The following CNTN5 variants were observed in gnomAD, a reference collection of about 807,000 sequenced individuals.
The protein encoded by CNTN5 is contactin 5.
A neutral mutation model predicts 129.1 loss-of-function variants in CNTN5; 77 were observed. That is an observed-to-expected ratio of 0.60 (90% CI 0.50 to 0.72). The LOEUF (loss-of-function observed/expected upper bound fraction) is 0.72. Ranked by LOEUF, CNTN5 falls within the 30% of genes least tolerant of loss-of-function variation. The pLI is 0.00. For synonymous variants in CNTN5, 509 were observed against 465.6 expected, an observed-to-expected ratio of 1.09 and a Z score of -1.20; for missense variants, 1,478 against 1,328.8, an observed-to-expected ratio of 1.11 and a Z score of -1.75.
At chr11:100,330,027 A>G (rs1382785070) in intron 21 of CNTN5, among the ~76,000 whole-genome samples, 1 of 152,208 alleles carries the variant, frequency 6.6e-6, no homozygotes, top group East Asian at 1.9e-4. Context: ...TACTAAGACA[A>G]TCAAGGAGGC....
At chr11:99,889,024 CCAT>C (rs1213616521) in intron 6 of CNTN5, among the ~76,000 whole-genome samples, 12 of 151,894 alleles carry the variant, frequency 7.9e-5, no homozygotes, top group African/African-American at 2.4e-4. Context: ...CCATCACTTA[CCAT>C]CATCATCATC....
At chr11:99,712,463 G>A (rs890563425) in intron 3 of CNTN5, among the ~76,000 whole-genome samples, 1 of 152,110 alleles carries the variant, frequency 6.6e-6, no homozygotes. Flanking sequence ...CTTTTGCTGT[G>A]CAGTAGCTCT....
At chr11:99,182,447 A>G (rs565377488) in intron 1 of CNTN5, among the ~76,000 whole-genome samples, 68 of 138,108 alleles carry the variant, frequency 4.9e-4, no homozygotes, top group African/African-American at 1.6e-3. Flanking sequence ...GGCTTTATAC[A>G]CAGGCATTTT....
At chr11:100,238,278 A>T (rs991719239) in intron 16 of CNTN5, among the ~76,000 whole-genome samples, 1 of 152,080 alleles carries the variant, frequency 6.6e-6, no homozygotes. Context: ...ATGCCTGATA[A>T]TCTGTTTACC....
intron 3 of CNTN5, among the ~76,000 whole-genome samples, chr11:99,665,415 T>A (rs1952749092): frequency 6.6e-6 from 1 of 151,372 alleles, no homozygotes; most frequent in Non-Finnish European, 1.5e-5. Flanking sequence ...TTAATGATAC[T>A]ATAGGAATAA....
chr11:99,590,070 A>C (rs542428067), intron 3 of CNTN5, among the ~76,000 whole-genome samples: 2 of 152,318 alleles, frequency 1.3e-5, no homozygotes, highest in African/African-American at 4.8e-5. Context: ...AGGAAGGATC[A>C]TCCAGAGGAA....
chr11:99,258,318 C>T (rs1428068893), intron 1 of CNTN5, among the ~76,000 whole-genome samples: 2 of 151,908 alleles, frequency 1.3e-5, no homozygotes, highest in Admixed American at 1.3e-4. Flanking sequence ...TCAAGTGGGC[C>T]CCAGTGTTTG....
chr11:99,841,893 TA>T (rs765072850), intron 4 of CNTN5, among the ~76,000 whole-genome samples: 6 of 114,834 alleles, frequency 5.2e-5, no homozygotes, highest in East Asian at 3.1e-4. Context: ...TACATATATA[TA>T]TATTTTTTTT....
intron 9 of CNTN5, among the ~76,000 whole-genome samples, chr11:100,042,080 C>G (rs907456885): frequency 6.6e-6 from 1 of 152,166 alleles, no homozygotes; most frequent in Non-Finnish European, 1.5e-5. Flanking sequence ...TTCATATACT[C>G]TCCTCTCAAG....
At chr11:99,778,319 A>C (rs1945195910) in intron 3 of CNTN5, among the ~76,000 whole-genome samples, 1 of 151,862 alleles carries the variant, frequency 6.6e-6, no homozygotes, top group African/African-American at 2.4e-5. Flanking sequence ...TTGAGCAATG[A>C]TTAGGTGTAG....
chr11:99,610,049 G>T (rs1487027382), intron 3 of CNTN5, among the ~76,000 whole-genome samples: 2 of 152,062 alleles, frequency 1.3e-5, no homozygotes, highest in African/African-American at 4.8e-5. Flanking sequence ...AAGAAATCGA[G>T]ATTCAGGTAC....
chr11:100,026,548 G>T (rs575958195), intron 9 of CNTN5, among the ~76,000 whole-genome samples: 2 of 152,224 alleles, frequency 1.3e-5, no homozygotes, highest in African/African-American at 4.8e-5. Flanking sequence ...CCAGCATTTG[G>T]TGTTGTCCAT....
chr11:100,069,152 T>A (rs76052160), intron 10 of CNTN5, among the ~76,000 whole-genome samples: 6,508 of 152,196 alleles, frequency 0.043, 164 homozygotes, highest in African/African-American at 0.069. Context: ...GTTTTCTTTA[T>A]TTTTTATTTT....
intron 2 of CNTN5, among the ~76,000 whole-genome samples, chr11:99,338,752 C>A (rs1207770521): frequency 6.6e-6 from 1 of 151,410 alleles, no homozygotes; most frequent in Admixed American, 6.6e-5. Flanking sequence ...TGTATATGCT[C>A]ATTTATTTTA....
At chr11:99,242,831 C>A (rs2135763645) in intron 1 of CNTN5, among the ~76,000 whole-genome samples, 1 of 152,218 alleles carries the variant, frequency 6.6e-6, no homozygotes, top group African/African-American at 2.4e-5. Context: ...TTTTTCATGG[C>A]TTTATAGTAT....
At chr11:99,261,726 G>A (rs1381611816) in intron 1 of CNTN5, among the ~76,000 whole-genome samples, 1 of 151,960 alleles carries the variant, frequency 6.6e-6, no homozygotes, top group Non-Finnish European at 1.5e-5. Flanking sequence ...TTGAAGATAG[G>A]TAAGGTGATA....
At chr11:100,250,448 A>G (rs1949941694) in intron 16 of CNTN5, among the ~76,000 whole-genome samples, 1 of 152,024 alleles carries the variant, frequency 6.6e-6, no homozygotes, top group South Asian at 2.1e-4. Context: ...TTGTATGTCA[A>G]GTACCATGTT....
intron 9 of CNTN5, among the ~76,000 whole-genome samples, chr11:100,042,161 A>C (rs182325379): frequency 6.6e-6 from 1 of 152,116 alleles, no homozygotes; most frequent in African/African-American, 2.4e-5. Flanking sequence ...TTTGCCTTCA[A>C]AAGTTTTTGT....
intron 16 of CNTN5, among the ~76,000 whole-genome samples, chr11:100,245,295 A>G (rs1949818819): frequency 6.6e-6 from 1 of 152,186 alleles, no homozygotes; most frequent in South Asian, 2.1e-4. Context: ...AGAAGGAGCT[A>G]GTGTATTTCT....
Sources: allele counts gnomAD v4.1 joint callset (sites outside exome capture counted in the v4.1 genomes callset), GRCh38; gene constraint gnomAD v4.1.1; transcripts MANE v1.5; gene names NCBI Gene and HGNC (gene_info 2026-07-23, HGNC 2026-07-21).